The following CFAP300 variants were observed in gnomAD, a reference collection of about 807,000 sequenced individuals.
CFAP300 encodes cilia and flagella associated protein 300.
A neutral mutation model predicts 33.0 loss-of-function variants in CFAP300; 32 were observed. That is an observed-to-expected ratio of 0.97 (90% CI 0.73 to 1.30). The LOEUF (loss-of-function observed/expected upper bound fraction) is 1.30. Ranked by LOEUF, CFAP300 falls within the 50% of genes most tolerant of loss-of-function variation. The probability of loss-of-function intolerance (pLI) is 0.00; values close to 1 mark genes in which losing one functional copy is unlikely to be tolerated. For synonymous variants in CFAP300, 102 were observed against 106.8 expected (o/e 0.95, Z 0.28); for missense variants, 356 against 318.1 (o/e 1.12, Z -0.90).
rs1942195099 is a variant in CFAP300 at position 102,064,485 on chromosome 11, C to T, written c.269-2000C>T. Among the ~76,000 whole-genome samples the T allele has an allele frequency of 2.0e-5, 3 of 152,214 alleles. No individual in the cohort carries two copies. In the South Asian group the frequency reaches 6.2e-4, roughly 32 times the overall value. ...AGCATAGCTTTTGCAATTACTGAGG[C>T]ATACACAGTTCCTGGCTCCAGGCAT... On this transcript the variant is annotated intron_variant, in intron 3 of 6. Transcript: ENST00000434758.
At chr11:102,071,674 T>C (rs1249978297) in intron 4 of CFAP300, among the ~76,000 whole-genome samples, 3 of 152,176 alleles carry the variant, frequency 2.0e-5, no homozygotes, top group Non-Finnish European at 4.4e-5. Context: ...CATTTTGGCT[T>C]GTCTAGGAAA....
rs750166588 is a variant in CFAP300 at position 102,066,563 on chromosome 11, A to T, written c.347A>T (p.Asp116Val). 6.2e-7 allele frequency: 1 copy of T among 1,612,040 alleles called. No individual in the cohort carries two copies. The highest frequency in any genetic ancestry group is 1.3e-5 in the African/African-American group (1 of 75,012). ...ATGTCATTTTTTCATCGGTTATATG[A>T]TGAAGATATTGTACGAGACAGTGGA... ...LSMSFFHRLY[D>V]EDIVRDSGHI... The change falls in exon 4 of 7, where the codon GAT (aspartate) becomes GTT (valine). Residue 116 changes from aspartate to valine, a missense_variant. Coordinates refer to ENST00000434758, the MANE Select transcript of CFAP300 (RefSeq NM_032930.3).
At chr11:102,072,608 A>G (rs1267821162) in intron 4 of CFAP300, among the ~76,000 whole-genome samples, 2 of 151,984 alleles carry the variant, frequency 1.3e-5, no homozygotes, top group Non-Finnish European at 2.9e-5. Flanking sequence ...TGGCCATATC[A>G]TTATTTTGAA....
At chr11:102,059,356 G>A (rs541655707) in intron 3 of CFAP300, among the ~76,000 whole-genome samples, 9 of 151,702 alleles carry the variant, frequency 5.9e-5, no homozygotes, top group Admixed American at 4.0e-4. Flanking sequence ...TACCATAGAA[G>A]TGTAGCCAAG....
chr11:102,068,180 T>A (rs1942256910), intron 4 of CFAP300, among the ~76,000 whole-genome samples: 1 of 151,856 alleles, frequency 6.6e-6, no homozygotes, highest in African/African-American at 2.4e-5. Context: ...ACAACTACTA[T>A]TAATTACTAC....
intron 5 of CFAP300, among the ~76,000 whole-genome samples, chr11:102,076,976 C>T (rs145765210): frequency 6.6e-6 from 1 of 152,280 alleles, no homozygotes; most frequent in East Asian, 1.9e-4. Flanking sequence ...AAAGCATACA[C>T]ATACCTATTA....
At chr11:102,065,476 A>C (rs1305128424) in intron 3 of CFAP300, among the ~76,000 whole-genome samples, 1 of 152,026 alleles carries the variant, frequency 6.6e-6, no homozygotes, top group Admixed American at 6.6e-5. Context: ...CATCAATTAA[A>C]ATTTTTGTGG....
chr11:102,050,848 T>A (rs1458337908), intron 2 of CFAP300, among the ~76,000 whole-genome samples: 1 of 152,222 alleles, frequency 6.6e-6, no homozygotes, highest in African/African-American at 2.4e-5. Context: ...TTGGACTTTA[T>A]CTGGCTAAGA....
At chr11:102,060,468 A>G (rs72972114) in intron 3 of CFAP300, among the ~76,000 whole-genome samples, 1 of 151,862 alleles carries the variant, frequency 6.6e-6, no homozygotes, top group Non-Finnish European at 1.5e-5. Context: ...AGAGCCAGAA[A>G]TTTTTTTTAA....
intron 5 of CFAP300, among the ~76,000 whole-genome samples, chr11:102,078,150 C>T (rs1447736500): frequency 1.3e-5 from 2 of 152,166 alleles, no homozygotes; most frequent in Admixed American, 1.3e-4. Context: ...GCCTCAGCCT[C>T]CCAAAGTGCT....
chr11:102,058,254 G>A (rs1177091407), intron 2 of CFAP300, among the ~76,000 whole-genome samples: 1 of 151,922 alleles, frequency 6.6e-6, no homozygotes, highest in African/African-American at 2.4e-5. Flanking sequence ...TCAGCTGCTG[G>A]TGCCAAGAAC....
At chr11:102,070,111 A>G (rs1405854791) in intron 4 of CFAP300, among the ~76,000 whole-genome samples, 3 of 152,224 alleles carry the variant, frequency 2.0e-5, no homozygotes, top group Non-Finnish European at 4.4e-5. Flanking sequence ...ATGGGCCTCA[A>G]TAACACATCA....
At chr11:102,063,294 G>A (rs1367875204) in intron 3 of CFAP300, among the ~76,000 whole-genome samples, 1 of 152,174 alleles carries the variant, frequency 6.6e-6, no homozygotes, top group Non-Finnish European at 1.5e-5. Context: ...CTACGTTAAG[G>A]GCTTGCTTGA....
chr11:102,081,590 G>A (rs1942473344), intron 6 of CFAP300, among the ~76,000 whole-genome samples: 1 of 152,120 alleles, frequency 6.6e-6, no homozygotes, highest in Non-Finnish European at 1.5e-5. Context: ...TTATAGGGCA[G>A]ATAAATAAGA....
chr11:102,079,560 C>T (rs896528267), intron 5 of CFAP300, among the ~76,000 whole-genome samples: 4 of 152,172 alleles, frequency 2.6e-5, no homozygotes, highest in African/African-American at 9.6e-5. Flanking sequence ...GGTACACAAG[C>T]TCAACCATAC....
In CFAP300 at chr11:102,084,034, A is replaced by G. The variant is rs199518268; in HGVS notation, c.*835A>G. 6.6e-6 allele frequency: 1 copy of G among 152,104 alleles called. No individual in the cohort carries two copies. The highest frequency in any genetic ancestry group is 1.5e-5 in the Non-Finnish European group (1 of 68,034). 9.4% of individuals were successfully genotyped at this position (152,104 alleles called of 1,614,324 possible). A position where few individuals can be genotyped will look rare whatever the true frequency, so the allele number is the denominator to read the frequency against. ...CGTCTCAGAAAAAAAAAAGGTTCTG[A>G]AAGTGGTTGTAAACTCTTGTATCAC... On this transcript the variant is annotated 3_prime_UTR_variant, in exon 7 of 7. Transcript: ENST00000434758.
chr11:102,069,969 C>T (rs1267537958), intron 4 of CFAP300, among the ~76,000 whole-genome samples: 1 of 152,078 alleles, frequency 6.6e-6, no homozygotes, highest in Non-Finnish European at 1.5e-5. Context: ...CCTGTCTCCT[C>T]CACCCCCCAA....
rs922680986 is a variant in CFAP300 at position 102,083,597 on chromosome 11, T to A, written c.*398T>A. On this transcript the variant is annotated 3_prime_UTR_variant, in exon 7 of 7. Coordinates refer to ENST00000434758, the MANE Select transcript of CFAP300 (RefSeq NM_032930.3). The stretch of plus-strand genomic sequence containing the variant: ...TACCACTGATCATTAATATGAATTG[T>A]TAGTTTATTTAACTTGTTTCATTTA... 1 of 152,984 alleles carries A rather than the reference T, an allele frequency of 6.5e-6. No homozygotes were observed. The highest frequency in any genetic ancestry group is 2.4e-5 in the African/African-American group (1 of 41,504). The allele number at this position is 152,984 out of a possible 1,614,324, so 9.5% of individuals were successfully genotyped here.
chr11:102,060,960 A>G (rs926575538), intron 3 of CFAP300, among the ~76,000 whole-genome samples: 6 of 152,224 alleles, frequency 3.9e-5, no homozygotes, highest in African/African-American at 1.4e-4. Context: ...AAAGGAAATA[A>G]TCAGAGCCAT....
Sources: gnomAD v4.1 joint callset for allele counts (sites outside exome capture counted in the v4.1 genomes callset) on GRCh38, gnomAD v4.1.1 for gene constraint, MANE v1.5 for transcripts, NCBI Gene and HGNC (gene_info 2026-07-23, HGNC 2026-07-21) for gene names.